The following CELF2 variants were observed in gnomAD, a reference collection of about 807,000 sequenced individuals.
CELF2 encodes the protein CUGBP Elav-like family member 2.
CELF2 carries 8 observed loss-of-function variants against 62.6 expected under a neutral mutation model. The observed-to-expected ratio is 0.13, with a 90% CI of 0.07 to 0.23. The LOEUF is 0.23. Ranked by LOEUF, CELF2 falls within the 10% of genes least tolerant of loss-of-function variation. CELF2 has a pLI of 1.00. For synonymous variants in CELF2, 258 were observed against 250.0 expected (o/e 1.03, Z -0.30); for missense variants, 333 against 671.0 (o/e 0.50, Z 5.56).
chr10:11,187,576 C>G (rs951047411), intron 2 of CELF2, among the ~76,000 whole-genome samples: 2 of 110,430 alleles, frequency 1.8e-5, no homozygotes, highest in Non-Finnish European at 1.7e-5. Flanking sequence ...TAAGGTCGCC[C>G]CCCCCCCAAC....
At chr10:10,648,689 C>A in the CELF2 span, among the ~76,000 whole-genome samples, 1 of 152,164 alleles carries the variant, frequency 6.6e-6, no homozygotes, top group Non-Finnish European at 1.5e-5. Context: ...TTTTCTCTTA[C>A]AGCTTGTTGA....
At chr10:10,864,709 C>T (rs923630603) in intron 1 of CELF2, among the ~76,000 whole-genome samples, 4 of 152,156 alleles carry the variant, frequency 2.6e-5, no homozygotes, top group Non-Finnish European at 5.9e-5. Context: ...CTCTCAAAGG[C>T]TCCATCTCCA....
At position 11,011,867 on chromosome 10, in the gene CELF2, G is replaced by T. The variant is rs2056522184; in HGVS notation, c.53+6427G>T. Among the ~76,000 whole-genome samples the T allele has an allele frequency of 6.6e-6, 1 of 152,208 alleles. No individual in the cohort carries two copies. Among genetic ancestry groups the T allele is most frequent in the Non-Finnish European group, 1.5e-5 (1 of 68,040 alleles). Reference sequence around the variant, plus strand: ...CTCTATCCTTGGCTAAAAATGGCTGGAGATTTGAACCATATTATAGGGAAA... The same window carrying T: ...CTCTATCCTTGGCTAAAAATGGCTGTAGATTTGAACCATATTATAGGGAAA... On this transcript the variant is annotated intron_variant, in intron 1 of 12. Coordinates refer to the CELF2 transcript ENST00000416382. The surrounding 1 kb of genome is among the most constrained non-coding windows in gnomAD (Gnocchi z 4.6).
At chr10:11,293,996 T>G (rs1035965185) in intron 9 of CELF2, among the ~76,000 whole-genome samples, 1 of 152,144 alleles carries the variant, frequency 6.6e-6, no homozygotes, top group Admixed American at 6.5e-5. Flanking sequence ...GAACCAAACC[T>G]GCAATTTGGT....
chr10:10,496,663 A>G, the CELF2 span, among the ~76,000 whole-genome samples: 4 of 152,192 alleles, frequency 2.6e-5, no homozygotes, highest in Non-Finnish European at 4.4e-5. Flanking sequence ...TCCCTATAAC[A>G]TAAGCTAGAA....
chr10:11,093,102 C>G (rs989883205), intron 1 of CELF2, among the ~76,000 whole-genome samples: 1 of 152,188 alleles, frequency 6.6e-6, no homozygotes, highest in Admixed American at 6.5e-5. Flanking sequence ...CTGATAGATG[C>G]AAAGTGATGC....
intron 1 of CELF2, among the ~76,000 whole-genome samples, chr10:11,121,063 C>A (rs188069651): frequency 6.6e-6 from 1 of 152,292 alleles, no homozygotes; most frequent in East Asian, 1.9e-4. Flanking sequence ...CTGTCGTGGA[C>A]AGAAATCACC....
chr10:11,277,318 G>A (rs1374693026), intron 8 of CELF2, among the ~76,000 whole-genome samples: 1 of 152,178 alleles, frequency 6.6e-6, no homozygotes, highest in African/African-American at 2.4e-5. Context: ...TGGTGAATGG[G>A]CGATAGAGGT....
chr10:10,840,669 TTC>T (rs1418932842), intron 1 of CELF2, among the ~76,000 whole-genome samples: 1 of 152,180 alleles, frequency 6.6e-6, no homozygotes, highest in East Asian at 1.9e-4. Context: ...TTTTGATTCT[TTC>T]TCTCTCTTTT....
intron 3 of CELF2, among the ~76,000 whole-genome samples, chr10:11,232,324 A>G (rs902923057): frequency 2.0e-5 from 3 of 152,164 alleles, no homozygotes; most frequent in South Asian, 2.1e-4. Flanking sequence ...AATAGCTTCT[A>G]TCTCTCAGTG....
the CELF2 span, among the ~76,000 whole-genome samples, chr10:10,729,511 A>G: frequency 6.6e-6 from 1 of 152,220 alleles, no homozygotes; most frequent in Admixed American, 6.5e-5. Context: ...ATTATTCCTA[A>G]TAATAACATC....
chr10:11,195,834 A>T (rs1171719070), intron 2 of CELF2, among the ~76,000 whole-genome samples: 1 of 152,206 alleles, frequency 6.6e-6, no homozygotes, highest in Admixed American at 6.5e-5. Flanking sequence ...TGAGGCCAGG[A>T]ATATTGCAGC....
Position 11,017,970 on chromosome 10 carries a change from G to A in CELF2, c.-120G>A. On this transcript the variant is annotated 5_prime_UTR_variant, in exon 1 of 13. Coordinates refer to ENST00000633077, the MANE Select transcript of CELF2 (RefSeq NM_001326342.2). The surrounding 1 kb of genome is among the most constrained non-coding windows in gnomAD (Gnocchi z 5.5). The stretch of plus-strand genomic sequence containing the variant: ...GCGAGGAGAGAATGTGACAAGTGCC[G>A]GCTCGGCGGCCGCCGGGGGAGGCCG... 1.0e-6 allele frequency: 1 copy of A among 988,738 alleles called. No individual in the cohort carries two copies. The highest frequency in any genetic ancestry group is 4.6e-5 in the South Asian group (1 of 21,696). 61.2% of individuals were successfully genotyped at this position (988,738 alleles called of 1,614,324 possible).
the CELF2 span, among the ~76,000 whole-genome samples, chr10:10,681,874 T>C: frequency 3.3e-5 from 5 of 152,224 alleles, no homozygotes; most frequent in African/African-American, 7.2e-5. Context: ...ACCAAGTTTG[T>C]TTGTATTGCT....
intron 1 of CELF2, among the ~76,000 whole-genome samples, chr10:11,111,793 A>C (rs2055243609): frequency 6.6e-6 from 1 of 152,264 alleles, no homozygotes; most frequent in Admixed American, 6.5e-5. Context: ...TTCCACAGGC[A>C]ATTTAAGAAC....
At chr10:10,701,006 C>A in the CELF2 span, among the ~76,000 whole-genome samples, 4 of 152,214 alleles carry the variant, frequency 2.6e-5, no homozygotes, top group Admixed American at 6.5e-5. Context: ...AAGGACCCAA[C>A]CTTGATGTCT....
intron 1 of CELF2, among the ~76,000 whole-genome samples, chr10:11,136,904 A>G (rs903762949): frequency 3.3e-5 from 5 of 152,252 alleles, no homozygotes; most frequent in African/African-American, 9.6e-5. Context: ...TTCAGATGGC[A>G]TATCATTCTG....
chr10:11,204,072 C>T (rs977949860), intron 2 of CELF2, among the ~76,000 whole-genome samples: 6 of 152,286 alleles, frequency 3.9e-5, no homozygotes, highest in Middle Eastern at 3.4e-3. Context: ...CCAGAATCAT[C>T]GTTAACATTA....
the CELF2 span, among the ~76,000 whole-genome samples, chr10:10,561,193 A>G: frequency 0.14 from 20,585 of 152,100 alleles, 1,552 homozygotes; most frequent in East Asian, 0.23. Context: ...TTCCTCTTCT[A>G]TTGGAAAAAA....
Sources: gnomAD v4.1 joint callset for allele counts (sites outside exome capture counted in the v4.1 genomes callset) on GRCh38, gnomAD v4.1.1 for gene constraint, Gnocchi (gnomAD v3.1) non-coding constraint, MANE v1.5 for transcripts, NCBI Gene and HGNC (gene_info 2026-07-23, HGNC 2026-07-21) for gene names.